The following SLC25A36 variants were observed in gnomAD, a reference collection of about 807,000 sequenced individuals.
SLC25A36 encodes the protein solute carrier family 25 member 36.
SLC25A36 carries 24 observed loss-of-function variants against 35.3 expected under a neutral mutation model. The observed-to-expected ratio is 0.68, with a 90% CI of 0.49 to 0.96. The LOEUF (loss-of-function observed/expected upper bound fraction) is 0.96. Among genes scored for constraint, SLC25A36 ranks in the 40% least tolerant of loss-of-function variants. SLC25A36 has a pLI of 0.00. For synonymous variants in SLC25A36, 141 were observed against 132.2 expected (o/e 1.07, Z -0.46); for missense variants, 294 against 381.1 (o/e 0.77, Z 1.90).
chr3:140,948,365 G>T (rs763216982), intron 1 of SLC25A36, among the ~76,000 whole-genome samples: 3 of 150,536 alleles, frequency 2.0e-5, no homozygotes, highest in African/African-American at 4.9e-5. Context: ...ACAATTTTTA[G>T]TAGAGATGGG....
chr3:140,972,203 G>A (rs927847241), intron 5 of SLC25A36, among the ~76,000 whole-genome samples: 10 of 152,194 alleles, frequency 6.6e-5, no homozygotes, highest in South Asian at 4.1e-4. Flanking sequence ...TATGTTTAGC[G>A]TTGCTCTATG....
At chr3:140,955,457 T>A (rs780427152) in intron 1 of SLC25A36, among the ~76,000 whole-genome samples, 12 of 152,214 alleles carry the variant, frequency 7.9e-5, no homozygotes, top group Non-Finnish European at 1.8e-4. Context: ...TTGGTAGTTA[T>A]TAATGTTTTA....
At chr3:140,964,121 T>A (rs571365684) in intron 4 of SLC25A36, 3 of 152,130 alleles carry the variant, frequency 2.0e-5, no homozygotes, top group East Asian at 1.9e-4. Flanking sequence ...ATGTCAATTA[T>A]GTGCTTAATA....
In SLC25A36 at chr3:140,976,567, A is replaced by T. The variant is rs539674182; in HGVS notation, c.*114A>T. ...AAAAATAGTTTGGGAACATGTAACT[A>T]TTCTAAGTGGAAGTTTTGTTGTAGG... is the stretch of plus-strand genomic sequence containing the variant. On this transcript the variant is annotated 3_prime_UTR_variant, in exon 7 of 7. Transcript: ENST00000324194. 1 of 809,490 alleles carries T rather than the reference A, an allele frequency of 1.2e-6. No individual in the cohort carries two copies. The highest frequency in any genetic ancestry group is 2.7e-5 in the South Asian group (1 of 37,404). The allele number at this position is 809,490 out of a possible 1,614,324, so 50.1% of individuals were successfully genotyped here.
Position 140,941,894 on chromosome 3 carries a change from G to A in SLC25A36, c.-161G>A, listed in dbSNP as rs1229152341. 11 of 518,266 alleles carry A rather than the reference G, an allele frequency of 2.1e-5. No individual in the cohort carries two copies. Among genetic ancestry groups the A allele is most frequent in the South Asian group, 5.4e-5 (2 of 37,192 alleles). The allele number at this position is 518,266 out of a possible 1,614,324, so 32.1% of individuals were successfully genotyped here. ...CGGTGGCGCGGCTGGAGTGCCGCGG[G>A]GAGGGCTGTGCCGGTTGCTTTCTGC... On this transcript the variant is annotated 5_prime_UTR_variant, in exon 1 of 7. Transcript: ENST00000324194.
At chr3:140,969,477 A>G (rs898462055) in intron 4 of SLC25A36, among the ~76,000 whole-genome samples, 4 of 151,834 alleles carry the variant, frequency 2.6e-5, no homozygotes, top group Non-Finnish European at 4.4e-5. Context: ...AATCTTTATA[A>G]AAGTATTAAA....
intron 3 of SLC25A36, among the ~76,000 whole-genome samples, chr3:140,962,894 T>C (rs1934666149): frequency 6.6e-6 from 1 of 151,968 alleles, no homozygotes; most frequent in Non-Finnish European, 1.5e-5. Flanking sequence ...GAAGGGGGTC[T>C]GTTTGAGGAT....
intron 1 of SLC25A36, among the ~76,000 whole-genome samples, chr3:140,949,734 T>TA (rs1934268474): frequency 6.6e-6 from 1 of 152,248 alleles, no homozygotes; most frequent in Non-Finnish European, 1.5e-5. Flanking sequence ...ACCCTTCTGT[T>TA]ACAGACTTGG....
intron 5 of SLC25A36, among the ~76,000 whole-genome samples, chr3:140,972,455 G>GT (rs1021981041): frequency 2.6e-5 from 4 of 151,784 alleles, no homozygotes; most frequent in African/African-American, 9.7e-5. Flanking sequence ...GAGGCCAGGA[G>GT]TTTAAGAACA....
chr3:140,943,800 A>G (rs1031072555), intron 1 of SLC25A36, among the ~76,000 whole-genome samples: 1 of 152,206 alleles, frequency 6.6e-6, no homozygotes, highest in Non-Finnish European at 1.5e-5. Context: ...GCATACTTAT[A>G]TTTGAAATAA....
Position 140,968,728 on chromosome 3 carries a change from TG to T in SLC25A36, c.386-2196del, listed in dbSNP as rs1266908913. 3.5e-5 allele frequency: 34 copies of T among 982,348 alleles called. No homozygotes were observed. In the Middle Eastern group the frequency reaches 1.6e-3, roughly 45 times the overall value. The allele number at this position is 982,348 out of a possible 1,614,324, so 60.9% of individuals were successfully genotyped here. On this transcript the variant is annotated intron_variant, in intron 4 of 6. Coordinates refer to ENST00000324194, the MANE Select transcript of SLC25A36 (RefSeq NM_001104647.3). ...TGGAAGAGTATTATGGACAGAAGCT[TG>T]GGTACTGCTTAAAATTTATGTTTTT...
At chr3:140,976,224 A>G in intron 6 of SLC25A36, 36 bp from the exon 7 acceptor site, 2 of 1,335,430 alleles carry the variant, frequency 1.5e-6, no homozygotes, top group Non-Finnish European at 1.1e-6. Context: ...GTGTAAAGAT[A>G]TCAGTAATGT....
chr3:140,956,723 G>A, intron 2 of SLC25A36, 32 bp downstream of exon 2: 1 of 1,540,574 alleles, frequency 6.5e-7, no homozygotes, highest in Non-Finnish European at 8.8e-7. Flanking sequence ...GTGTTTTTTA[G>A]TTTGTTTGCG....
chr3:140,944,884 T>C (rs1013806136), intron 1 of SLC25A36, among the ~76,000 whole-genome samples: 14 of 152,188 alleles, frequency 9.2e-5, no homozygotes, highest in African/African-American at 3.1e-4. Context: ...ACCTGTTTGC[T>C]TGAAGATCAG....
chr3:140,947,282 T>A (rs575307695), intron 1 of SLC25A36, among the ~76,000 whole-genome samples: 2 of 152,176 alleles, frequency 1.3e-5, no homozygotes, highest in South Asian at 2.1e-4. Flanking sequence ...TAGACAGTTT[T>A]AAGGTTTGCT....
At chr3:140,968,012 T>A (rs1934805988) in intron 4 of SLC25A36, 1 of 984,998 alleles carries the variant, frequency 1.0e-6, no homozygotes. Flanking sequence ...AGGGGCACCA[T>A]TCCCAGTATC....
At chr3:140,962,858 T>C (rs773732942) in intron 3 of SLC25A36, among the ~76,000 whole-genome samples, 3 of 151,990 alleles carry the variant, frequency 2.0e-5, no homozygotes, top group Non-Finnish European at 4.4e-5. Context: ...CAAGTTTTAG[T>C]GAGTTAAGTG....
At chr3:140,942,318 G>A in intron 1 of SLC25A36, 1 of 428,244 alleles carries the variant, frequency 2.3e-6, no homozygotes, top group Admixed American at 4.4e-5. Flanking sequence ...CCGGGCCCGA[G>A]GGCGAGAGAG....
intron 1 of SLC25A36, among the ~76,000 whole-genome samples, chr3:140,952,395 A>G (rs1249783784): frequency 6.6e-6 from 1 of 151,944 alleles, no homozygotes; most frequent in African/African-American, 2.4e-5. Flanking sequence ...AAGTGATGTT[A>G]CCACCTCAGC....
Sources: allele counts gnomAD v4.1 joint callset (sites outside exome capture counted in the v4.1 genomes callset), GRCh38; gene constraint gnomAD v4.1.1; transcripts MANE v1.5; gene names NCBI Gene and HGNC (gene_info 2026-07-23, HGNC 2026-07-21).